Variants in ARID1A observed in about 807,000 individuals in gnomAD.
ARID1A encodes the protein AT-rich interactive domain-containing protein 1A.
A neutral mutation model predicts 212.6 loss-of-function variants in ARID1A; 20 were observed. The ratio of observed to expected loss-of-function variants is 0.09; its 90% CI spans 0.07 to 0.14. The LOEUF (loss-of-function observed/expected upper bound fraction) is 0.14. Ranked by LOEUF, ARID1A falls within the 10% of genes least tolerant of loss-of-function variation. The pLI is 1.00. For missense variants in ARID1A, 2,587 were observed against 3,059.0 expected (o/e 0.85, Z 3.64); for synonymous variants, 1,376 against 1,222.1 (o/e 1.13, Z -2.63).
chr1:26,733,327 A>G (rs767637445), intron 4 of ARID1A, among the ~76,000 whole-genome samples: 25 of 151,514 alleles, frequency 1.7e-4, no homozygotes, highest in Non-Finnish European at 3.4e-4. Flanking sequence ...GTACTTATTT[A>G]TGGGATGGAC....
At chr1:26,737,860 C>T (rs1028849556) in intron 4 of ARID1A, among the ~76,000 whole-genome samples, 15 of 149,488 alleles carry the variant, frequency 1.0e-4, no homozygotes, top group Non-Finnish European at 1.6e-4. Flanking sequence ...AGCGAAACTC[C>T]GTCTCAAAAA....
chr1:26,716,444 G>A (rs1205359458), intron 1 of ARID1A, among the ~76,000 whole-genome samples: 1 of 152,050 alleles, frequency 6.6e-6, no homozygotes, highest in African/African-American at 2.4e-5. Flanking sequence ...CAACACAACT[G>A]TTTTTTTAAA....
In ARID1A at chr1:26,696,820, C is replaced by G; in HGVS notation, c.417C>G (p.Ala139=). The G allele has an allele frequency of 7.5e-7, 1 of 1,341,648 alleles. No individual in the cohort carries two copies. The highest frequency in any genetic ancestry group is 9.5e-7 in the Non-Finnish European group (1 of 1,049,948). The allele number at this position is 1,341,648 out of a possible 1,614,324, so 83.1% of individuals were successfully genotyped here. Residue 139 remains alanine (A), a synonymous_variant, in exon 1 of 20, where the codon GCC becomes GCG. Transcript: ENST00000324856. The part of the protein sequence containing the change: ...SDGVGAPPHS[A]AAALPPPAYG... Reference sequence around the variant, plus strand: ...GGGTGGGGGCGCCTCCTCACTCAGCCGCGGCCGCCTTGCCGCCCCCAGCCT... The same window carrying G: ...GGGTGGGGGCGCCTCCTCACTCAGCGGCGGCCGCCTTGCCGCCCCCAGCCT...
At position 26,697,519 on chromosome 1, in the gene ARID1A, G is replaced by T; in HGVS notation, c.1116G>T (p.Gln372His). 1 of 1,402,844 alleles carries T rather than the reference G, an allele frequency of 7.1e-7. No homozygotes were observed. 86.9% of individuals were successfully genotyped at this position (1,402,844 alleles called of 1,614,324 possible). The stretch of plus-strand genomic sequence containing the variant: ...CCGGGAGCAGCGGCGGCGGGGGGCA[G>T]CCGCTCGCCCGGACCCCTCAGGTAC... ...MSPGSSGGGG[Q>H]PLARTPQPSS... The change falls in exon 1 of 20, where the codon CAG becomes CAT. Residue 372 changes from glutamine to histidine, a missense_variant. Physicochemically the swap from Gln to His is conservative, Grantham distance 24. This residue lies in a region of ARID1A where 735 missense variants were observed against 590.6 expected (regional missense o/e 1.24). Transcript: ENST00000324856.
At chr1:26,770,788 A>T in intron 11 of ARID1A, 1 of 261,706 alleles carries the variant, frequency 3.8e-6, no homozygotes, top group Non-Finnish European at 7.3e-6. Flanking sequence ...ATAAAATAGG[A>T]TTTAGATATC....
At chr1:26,706,380 T>TC (rs2080392360) in intron 1 of ARID1A, among the ~76,000 whole-genome samples, 1 of 152,178 alleles carries the variant, frequency 6.6e-6, no homozygotes, top group East Asian at 1.9e-4. Context: ...ACCCTTCTTT[T>TC]CCCCTTAAGA....
At chr1:26,740,516 A>T (rs1361113454) in intron 4 of ARID1A, among the ~76,000 whole-genome samples, 4 of 152,100 alleles carry the variant, frequency 2.6e-5, no homozygotes, top group African/African-American at 9.7e-5. Flanking sequence ...CCATGCAGGG[A>T]TGGGGATGAG....
intron 1 of ARID1A, among the ~76,000 whole-genome samples, chr1:26,721,334 C>T (rs2080562780): frequency 6.6e-6 from 1 of 152,160 alleles, no homozygotes; most frequent in South Asian, 2.1e-4. Flanking sequence ...GCCTCAGCCT[C>T]CCAAGTAGCT....
At chr1:26,737,496 T>C (rs2080744954) in intron 4 of ARID1A, among the ~76,000 whole-genome samples, 1 of 152,180 alleles carries the variant, frequency 6.6e-6, no homozygotes, top group East Asian at 1.9e-4. Flanking sequence ...GTACCTATCA[T>C]GTGATGCCCA....
intron 4 of ARID1A, among the ~76,000 whole-genome samples, chr1:26,750,721 C>T (rs767011045): frequency 3.3e-5 from 5 of 151,822 alleles, no homozygotes; most frequent in African/African-American, 7.3e-5. Flanking sequence ...CAGCAGAGAC[C>T]AGGCTCCTAC....
intron 1 of ARID1A, among the ~76,000 whole-genome samples, chr1:26,714,426 GT>G (rs1329161244): frequency 3.3e-5 from 5 of 151,798 alleles, no homozygotes; most frequent in Non-Finnish European, 7.4e-5. Flanking sequence ...TTGTTTGTTT[GT>G]TTTTGAGACG....
chr1:26,756,256 T>A (rs1300298939), intron 4 of ARID1A, among the ~76,000 whole-genome samples: 3 of 151,400 alleles, frequency 2.0e-5, no homozygotes, highest in South Asian at 2.1e-4. Flanking sequence ...TACAAAAAAA[T>A]TTAAAAATTA....
intron 1 of ARID1A, among the ~76,000 whole-genome samples, chr1:26,722,491 C>T (rs956876546): frequency 1.3e-5 from 2 of 152,214 alleles, no homozygotes; most frequent in African/African-American, 2.4e-5. Flanking sequence ...GGCGATCTGC[C>T]GCCTTGGCCA....
rs753199390 is a variant in ARID1A at position 26,772,851 on chromosome 1, T to A, written c.3579T>A (p.Asp1193Glu). ...NSVGIQDAFN[D>E]GSDSTFQKRN... The stretch of plus-strand genomic sequence containing the variant: ...TTGGGATCCAGGATGCCTTTAATGA[T>A]GGAAGTGACTCCACATTCCAGAAGC... Residue 1193 changes from aspartate (D) to glutamate (E), a missense_variant, in exon 14 of 20, where the codon GAT becomes GAA. This residue lies in a region of ARID1A where 890 missense variants were observed against 1,098.2 expected (regional missense o/e 0.81). Transcript: ENST00000324856. 6.2e-7 allele frequency: 1 copy of A among 1,614,164 alleles called. No homozygotes were observed. The highest frequency in any genetic ancestry group is 1.7e-5 in the Admixed American group (1 of 60,026).
intron 1 of ARID1A, among the ~76,000 whole-genome samples, chr1:26,719,143 C>T (rs899204536): frequency 6.6e-6 from 1 of 152,182 alleles, no homozygotes; most frequent in Non-Finnish European, 1.5e-5. Context: ...TCCTTTCCTG[C>T]TTTTGGGCAT....
intron 1 of ARID1A, 102 bp from the exon 2 acceptor site, chr1:26,729,549 C>T: frequency 7.5e-7 from 1 of 1,337,792 alleles, no homozygotes; most frequent in South Asian, 1.2e-5. Context: ...AACTGTATTT[C>T]TTTATAGCAT....
intron 4 of ARID1A, among the ~76,000 whole-genome samples, chr1:26,735,426 G>A (rs566816219): frequency 6.6e-6 from 1 of 152,274 alleles, no homozygotes; most frequent in East Asian, 1.9e-4. Flanking sequence ...CCGAGTAGCT[G>A]GGATTACAGG....
intron 5 of ARID1A, 130 bp downstream of exon 5, chr1:26,761,226 G>C: frequency 6.8e-7 from 1 of 1,480,486 alleles, no homozygotes; most frequent in Non-Finnish European, 9.1e-7. Context: ...CTTAGCATTT[G>C]GAGAAGGAGA....
rs2124151452 is a variant in ARID1A at position 26,780,554 on chromosome 1, A to G, written c.6656A>G (p.Gln2219Arg). 1 of 1,614,148 alleles carries G rather than the reference A, an allele frequency of 6.2e-7. No homozygotes were observed. ...AGCCAGGCCAGCCTCCTCCACATGC[A>G]GAACCCACCCTTTGAGCCAACTAGT... ...QQSQASLLHM[Q>R]NPPFEPTSVD... Residue 2219 changes from glutamine to arginine, a missense_variant, in exon 20 of 20, where the codon CAG (glutamine) becomes CGG (arginine). Physicochemically the swap from Gln to Arg is conservative, Grantham distance 43. This residue lies in a region of ARID1A where 24 missense variants were observed against 16.5 expected (regional missense o/e 1.46). Transcript: ENST00000324856. This position sits in a 1 kb window ranked among gnomAD's most constrained non-coding sequence, Gnocchi z 7.2.
Sources: allele counts gnomAD v4.1 joint callset (sites outside exome capture counted in the v4.1 genomes callset), GRCh38; gene constraint gnomAD v4.1.1; regional missense constraint gnomAD v4.1.1; non-coding constraint Gnocchi (gnomAD v3.1); transcripts MANE v1.5; gene names NCBI Gene and HGNC (gene_info 2026-07-23, HGNC 2026-07-21).